The following EEPD1 variants were observed in gnomAD, a reference collection of about 807,000 sequenced individuals.
EEPD1 encodes the protein endonuclease/exonuclease/phosphatase family domain containing 1.
Under a neutral mutation model 46.3 loss-of-function variants are expected in EEPD1, and 17 were observed. The ratio of observed to expected loss-of-function variants is 0.37; its 90% CI spans 0.25 to 0.55. The LOEUF (loss-of-function observed/expected upper bound fraction) is 0.55, where lower values mean the gene tolerates loss of function less well. Ranked by LOEUF, EEPD1 falls within the 20% of genes least tolerant of loss-of-function variation. The pLI is 0.83. For synonymous variants in EEPD1, 313 were observed against 315.6 expected (o/e 0.99, Z 0.09); for missense variants, 673 against 745.6 (o/e 0.90, Z 1.13).
intron 2 of EEPD1, among the ~76,000 whole-genome samples, chr7:36,216,434 A>G (rs940041423): frequency 2.0e-5 from 3 of 152,208 alleles, no homozygotes; most frequent in African/African-American, 7.2e-5. Context: ...CACCTATTGG[A>G]TTGGTAAGGA....
Position 36,154,606 on chromosome 7 carries a change from C to A in EEPD1, c.282C>A (p.Val94=). 1 of 1,614,018 alleles carries A rather than the reference C, an allele frequency of 6.2e-7. No individual in the cohort carries two copies. Among genetic ancestry groups the A allele is most frequent in the Non-Finnish European group, 8.5e-7 (1 of 1,180,014 alleles). The change falls in exon 2 of 8, where the codon GTC becomes GTA. Residue 94 remains valine (V), a synonymous_variant. Transcript: ENST00000242108. The surrounding 1 kb of genome is among the most constrained non-coding windows in gnomAD (Gnocchi z 4.2). ...TAGGCGCCACCAAGCTGGAGCAGGT[C>A]AAGTTTGAGATCTGTGTGAGCAGCA... is the stretch of plus-strand genomic sequence containing the variant. ...SGVGATKLEQ[V]KFEICVSSKG... is the part of the protein sequence containing the mutation.
chr7:36,265,934 G>A (rs541947573), intron 3 of EEPD1, among the ~76,000 whole-genome samples: 1 of 152,264 alleles, frequency 6.6e-6, no homozygotes, highest in East Asian at 1.9e-4. Flanking sequence ...GGCATTTCCT[G>A]CCAAAGTTGG....
intron 2 of EEPD1, among the ~76,000 whole-genome samples, chr7:36,162,385 C>T (rs764859954): frequency 6.6e-6 from 1 of 152,222 alleles, no homozygotes; most frequent in Non-Finnish European, 1.5e-5. Context: ...GTGGCTCACA[C>T]CTGTAATCCC....
intron 3 of EEPD1, among the ~76,000 whole-genome samples, chr7:36,254,304 G>A (rs1282372554): frequency 6.6e-6 from 1 of 152,116 alleles, no homozygotes; most frequent in African/African-American, 2.4e-5. Context: ...ACAGGCCCCA[G>A]TATGTGATGT....
Position 36,163,926 on chromosome 7 carries a change from C to G in EEPD1, c.878+8724C>G, listed in dbSNP as rs941392926. ...AGCTATTCTGTTCAGTAATGCTTCT[C>G]AGAGTAGTTGTATTTCATTCATCAC... On this transcript the variant is annotated intron_variant, in intron 2 of 7. Transcript: ENST00000242108. 2.6e-5 allele frequency among the ~76,000 whole-genome samples: 4 copies of G among 151,274 alleles called. No homozygotes were observed. The Middle Eastern group carries it at 0.01, about 391-fold the overall frequency.
At chr7:36,167,544 A>G (rs1402136580) in intron 2 of EEPD1, among the ~76,000 whole-genome samples, 1 of 152,044 alleles carries the variant, frequency 6.6e-6, no homozygotes, top group Non-Finnish European at 1.5e-5. Context: ...AAATGAGAGC[A>G]GTGACCTGGA....
intron 3 of EEPD1, among the ~76,000 whole-genome samples, chr7:36,243,857 T>C (rs1221541674): frequency 8.2e-6 from 1 of 121,688 alleles, no homozygotes; most frequent in Non-Finnish European, 1.6e-5. Flanking sequence ...TGAGAACACA[T>C]GGACACAGGA....
chr7:36,291,878 G>A lies in EEPD1; in HGVS notation c.1315+4101G>A, dbSNP rs183623280. Among the ~76,000 whole-genome samples, 114 of 152,302 alleles carry A rather than the reference G, an allele frequency of 7.5e-4. 3 individuals are homozygous for A. In the East Asian group the frequency reaches 0.016, roughly 22 times the overall value. ...GTCAAGCAGAGCCCAGGGGAATCCC[G>A]CAGAGCCCAGCTGGGGGGCGAGTGT... is the stretch of plus-strand genomic sequence containing the variant. On this transcript the variant is annotated intron_variant, in intron 6 of 7. Transcript: ENST00000242108.
intron 2 of EEPD1, among the ~76,000 whole-genome samples, chr7:36,168,967 T>C (rs1321307147): frequency 2.0e-5 from 3 of 152,220 alleles, no homozygotes; most frequent in Non-Finnish European, 4.4e-5. Flanking sequence ...AATTGTATAG[T>C]ATGTGACCTT....
chr7:36,199,746 A>AAGCT (rs1785682833), intron 2 of EEPD1, among the ~76,000 whole-genome samples: 3 of 152,008 alleles, frequency 2.0e-5, no homozygotes, highest in Non-Finnish European at 4.4e-5. Flanking sequence ...CTACCTTCAA[A>AAGCT]AGCTATGGTG....
At chr7:36,266,385 G>T (rs181471775) in intron 3 of EEPD1, among the ~76,000 whole-genome samples, 119 of 152,202 alleles carry the variant, frequency 7.8e-4, no homozygotes, top group East Asian at 4.3e-3. Context: ...GCAGTCTAGA[G>T]GCAGCCTCCC....
intron 3 of EEPD1, among the ~76,000 whole-genome samples, chr7:36,241,163 TTTA>T (rs1786548869): frequency 6.6e-6 from 1 of 152,162 alleles, no homozygotes; most frequent in South Asian, 2.1e-4. Context: ...GGTTATTCAT[TTTA>T]TTTCTCAATT....
intron 2 of EEPD1, among the ~76,000 whole-genome samples, chr7:36,176,745 A>G (rs545668774): frequency 1.3e-5 from 2 of 152,334 alleles, no homozygotes; most frequent in Admixed American, 6.5e-5. Context: ...TTTTGACTCT[A>G]TTATAAATAC....
intron 3 of EEPD1, among the ~76,000 whole-genome samples, chr7:36,263,048 A>G (rs1786955707): frequency 6.6e-6 from 1 of 152,150 alleles, no homozygotes; most frequent in African/African-American, 2.4e-5. Context: ...AAAATGATAA[A>G]AAACTTTAGC....
intron 2 of EEPD1, among the ~76,000 whole-genome samples, chr7:36,156,993 G>A (rs1784835723): frequency 6.6e-6 from 1 of 151,868 alleles, no homozygotes; most frequent in South Asian, 2.1e-4. Flanking sequence ...AAAAAAAGTT[G>A]TGTCTATACT....
intron 2 of EEPD1, among the ~76,000 whole-genome samples, chr7:36,165,654 G>A (rs1238432207): frequency 1.3e-5 from 2 of 149,432 alleles, no homozygotes. Flanking sequence ...GACCAGGATG[G>A]TCTCGATCTC....
chr7:36,271,592 T>C (rs188423131), intron 3 of EEPD1, among the ~76,000 whole-genome samples: 54 of 152,208 alleles, frequency 3.5e-4, no homozygotes, highest in Middle Eastern at 6.8e-3. Flanking sequence ...TTTCTTTTGC[T>C]GTGCAGAAGC....
At chr7:36,207,911 T>A (rs115514439) in intron 2 of EEPD1, among the ~76,000 whole-genome samples, 17 of 122,904 alleles carry the variant, frequency 1.4e-4, no homozygotes, top group African/African-American at 5.3e-4. Flanking sequence ...TTTTTTTTTT[T>A]AACCTAGACA....
chr7:36,219,660 GGAAGGAAA>G (rs146669256), intron 2 of EEPD1, among the ~76,000 whole-genome samples: 6,688 of 146,858 alleles, frequency 0.046, 393 homozygotes, highest in African/African-American at 0.14. Flanking sequence ...GGAAGAGGAA[GGAAGGAAA>G]GAAGGAAAGA....
Sources: allele counts gnomAD v4.1 joint callset (sites outside exome capture counted in the v4.1 genomes callset), GRCh38; gene constraint gnomAD v4.1.1; non-coding constraint Gnocchi (gnomAD v3.1); transcripts MANE v1.5; gene names NCBI Gene and HGNC (gene_info 2026-07-23, HGNC 2026-07-21).